The following GKAP1 variants were observed in gnomAD, a reference collection of about 807,000 sequenced individuals.
GKAP1 encodes G kinase anchoring protein 1.
A neutral mutation model predicts 56.7 loss-of-function variants in GKAP1; 31 were observed. The observed-to-expected ratio is 0.55, with a 90% confidence interval of 0.41 to 0.74. The LOEUF (loss-of-function observed/expected upper bound fraction) is 0.74, where lower values mean the gene tolerates loss of function less well. Among genes scored for constraint, GKAP1 ranks in the 30% least tolerant of loss-of-function variants. The pLI is 0.00. For missense variants in GKAP1, 364 were observed against 402.3 expected, an observed-to-expected ratio of 0.90 and a Z score of 0.82; for synonymous variants, 151 against 138.6, an observed-to-expected ratio of 1.09 and a Z score of -0.63.
rs370482220 is a variant in GKAP1, at chr9:83,787,521, T to C, written c.438+1080A>G. Reference sequence around the variant, plus strand: ...CTGAGTAGCTGCTGTGAATTTTAATTATTCACTTCTTTTCATTTTGGATAA... The same window carrying C: ...CTGAGTAGCTGCTGTGAATTTTAATCATTCACTTCTTTTCATTTTGGATAA... On this transcript the variant is annotated intron_variant, in intron 5 of 12. Transcript: ENST00000376371. Among the ~76,000 whole-genome samples the C allele has an allele frequency of 3.5e-4, 54 of 152,328 alleles. 1 individual carries two copies. The South Asian group carries it at 0.011, about 32-fold the overall frequency.
intron 7 of GKAP1, among the ~76,000 whole-genome samples, chr9:83,775,883 A>G (rs1033479198): frequency 6.6e-6 from 1 of 150,480 alleles, no homozygotes; most frequent in African/African-American, 2.4e-5. Context: ...TCAAAAAAAA[A>G]AAAAAAAAAA....
chr9:83,813,528 G>T (rs78845375), intron 2 of GKAP1, among the ~76,000 whole-genome samples: 2 of 152,164 alleles, frequency 1.3e-5, no homozygotes, highest in African/African-American at 4.8e-5. Flanking sequence ...GACTGAAGCA[G>T]GAGATCACTT....
chr9:83,802,852 G>T (rs1944354280), intron 3 of GKAP1, among the ~76,000 whole-genome samples: 1 of 151,628 alleles, frequency 6.6e-6, no homozygotes, highest in Admixed American at 6.6e-5. Context: ...AATAAAAGAG[G>T]CCAGCATGGT....
intron 2 of GKAP1, among the ~76,000 whole-genome samples, chr9:83,810,307 A>G (rs1944490268): frequency 2.6e-5 from 4 of 152,238 alleles, no homozygotes; most frequent in Admixed American, 2.6e-4. Context: ...TTAAAAGTCT[A>G]GATCAGGAAC....
Position 83,753,400 on chromosome 9 carries a change from C to T in GKAP1, c.739-41G>A, listed in dbSNP as rs186308271. 472 of 1,255,986 alleles carry T rather than the reference C, an allele frequency of 3.8e-4. 4 individuals carry two copies. The East Asian group carries it at 6.6e-3, about 17-fold the overall frequency. 77.8% of individuals were successfully genotyped at this position (1,255,986 alleles called of 1,614,324 possible). A position where few individuals can be genotyped will look rare whatever the true frequency, so the allele number is the denominator to read the frequency against. On this transcript the variant is annotated intron_variant, in intron 8 of 12. Transcript: ENST00000376371. ...CAACACTTTAGGACTTTGATTATTC[C>T]GCTAATTCTGGTTTATAGTATTCCT...
rs565602964 is a variant in GKAP1, at chr9:83,789,895, A to T, written c.361-1217T>A. Among the ~76,000 whole-genome samples the T allele has an allele frequency of 7.2e-5, 11 of 152,294 alleles. No homozygotes were observed. The South Asian group carries it at 1.9e-3, about 26-fold the overall frequency. On this transcript the variant is annotated intron_variant, in intron 4 of 12. Coordinates refer to ENST00000376371, the MANE Select transcript of GKAP1 (RefSeq NM_025211.4). ...ACCTAATTATTTAGTTTTTAATTCA[A>T]ATCTGTGAATCACTCAGTATCCTTC...
In GKAP1 at chr9:83,774,162, T is replaced by C. The variant is rs992411930; in HGVS notation, c.586-5192A>G. 2.0e-5 allele frequency among the ~76,000 whole-genome samples: 3 copies of C among 151,762 alleles called. No individual in the cohort carries two copies. The East Asian group carries it at 5.9e-4, about 30-fold the overall frequency. ...CTGGGATTACAGGCGTGAGCCACTG[T>C]GCCTGGTCTATACCTACTTTACATT... On this transcript the variant is annotated intron_variant, in intron 7 of 12. Coordinates refer to ENST00000376371, the MANE Select transcript of GKAP1 (RefSeq NM_025211.4).
intron 7 of GKAP1, among the ~76,000 whole-genome samples, chr9:83,778,275 TAGC>T (rs1342914037): frequency 1.2e-4 from 18 of 152,148 alleles, no homozygotes; most frequent in Admixed American, 1.2e-3. Context: ...CTGTTCACAA[TAGC>T]AGACATAGAA....
chr9:83,812,383 T>A (rs567538475), intron 2 of GKAP1, among the ~76,000 whole-genome samples: 2 of 149,678 alleles, frequency 1.3e-5, no homozygotes, highest in Non-Finnish European at 3.0e-5. Context: ...AGGGTCTTAC[T>A]CACACACCAA....
In GKAP1 at chr9:83,753,746, T is replaced by C. The variant is rs1943431923; in HGVS notation, c.739-387A>G. On this transcript the variant is annotated intron_variant, in intron 8 of 12. Transcript: ENST00000376371. ...AACTAAAATAAATAGCTTTTCACTGTATTAGCAATTAACAGGTAGAAGACA... is the reference window on the plus strand; with the variant it reads ...AACTAAAATAAATAGCTTTTCACTGCATTAGCAATTAACAGGTAGAAGACA... Among the ~76,000 whole-genome samples the C allele has an allele frequency of 2.0e-5, 3 of 152,166 alleles. No homozygotes were observed. In the South Asian group the frequency reaches 6.2e-4, roughly 31 times the overall value.
intron 8 of GKAP1, among the ~76,000 whole-genome samples, chr9:83,754,710 G>A (rs760987434): frequency 9.8e-5 from 15 of 152,346 alleles, no homozygotes; most frequent in South Asian, 2.1e-4. Flanking sequence ...AAAGCCAGTA[G>A]AGAACTGATC....
At chr9:83,803,271 CCT>C (rs1170768766) in intron 3 of GKAP1, among the ~76,000 whole-genome samples, 5 of 151,614 alleles carry the variant, frequency 3.3e-5, no homozygotes, top group Admixed American at 2.0e-4. Flanking sequence ...TCTCCCTCTC[CCT>C]CTCTTTCCAC....
At chr9:83,797,898 T>G (rs1944273095) in intron 4 of GKAP1, among the ~76,000 whole-genome samples, 1 of 152,160 alleles carries the variant, frequency 6.6e-6, no homozygotes, top group African/African-American at 2.4e-5. Flanking sequence ...AACAAGTAGA[T>G]CATCAAAACA....
At chr9:83,761,060 A>T (rs1258421024) in intron 8 of GKAP1, among the ~76,000 whole-genome samples, 2 of 151,942 alleles carry the variant, frequency 1.3e-5, no homozygotes, top group Non-Finnish European at 2.9e-5. Context: ...TACAAAAGAA[A>T]TAAATGAAAT....
chr9:83,766,586 T>C (rs1943667470), intron 8 of GKAP1, among the ~76,000 whole-genome samples: 1 of 152,228 alleles, frequency 6.6e-6, no homozygotes, highest in African/African-American at 2.4e-5. Flanking sequence ...AACACAAATG[T>C]TAATAGATGG....
chr9:83,743,652 G>A (rs1784946867), intron 10 of GKAP1, among the ~76,000 whole-genome samples: 1 of 152,082 alleles, frequency 6.6e-6, no homozygotes, highest in Non-Finnish European at 1.5e-5. Flanking sequence ...TGGGGGTGGT[G>A]AGCATACCAT....
chr9:83,805,350 G>A (rs145584132), intron 3 of GKAP1, among the ~76,000 whole-genome samples: 10 of 152,056 alleles, frequency 6.6e-5, no homozygotes, highest in African/African-American at 2.4e-4. Flanking sequence ...AGGGTCCTCT[G>A]CCTAGGAAAA....
intron 7 of GKAP1, among the ~76,000 whole-genome samples, chr9:83,774,919 G>A (rs907295771): frequency 1.3e-5 from 2 of 151,346 alleles, no homozygotes; most frequent in African/African-American, 4.9e-5. Context: ...ATGTTGGCCA[G>A]GACGGTCTCG....
At chr9:83,803,832 C>T (rs1334668120) in intron 3 of GKAP1, among the ~76,000 whole-genome samples, 1 of 151,538 alleles carries the variant, frequency 6.6e-6, no homozygotes, top group Non-Finnish European at 1.5e-5. Context: ...GGCAGCCATC[C>T]CATCTGGGAA....
Sources: allele counts gnomAD v4.1 joint callset (sites outside exome capture counted in the v4.1 genomes callset), GRCh38; gene constraint gnomAD v4.1.1; transcripts MANE v1.5; gene names NCBI Gene and HGNC (gene_info 2026-07-23, HGNC 2026-07-21).